CECR2: variants seen among roughly 807,000 people sequenced by gnomAD.
CECR2 encodes chromatin remodeling regulator CECR2.
In CECR2, 30 loss-of-function variants were observed where a neutral mutation model predicts 154.5. The ratio of observed to expected loss-of-function variants is 0.19; its 90% CI spans 0.15 to 0.26. CECR2 has a LOEUF of 0.26. CECR2 is among the 10% of genes least tolerant of loss of function. The pLI is 1.00. For missense variants in CECR2, 1,743 were observed against 1,829.3 expected, an observed-to-expected ratio of 0.95 and a Z score of 0.86; for synonymous variants, 725 against 683.7, an observed-to-expected ratio of 1.06 and a Z score of -0.94.
chr22:17,436,508 G>C (rs1396562317), intron 1 of CECR2, among the ~76,000 whole-genome samples: 3 of 152,224 alleles, frequency 2.0e-5, no homozygotes, highest in Admixed American at 6.5e-5. Flanking sequence ...TAAGCTGCCA[G>C]AGTATCCCTT....
At chr22:17,395,594 C>G (rs1224530153) in intron 1 of CECR2, among the ~76,000 whole-genome samples, 1 of 152,188 alleles carries the variant, frequency 6.6e-6, no homozygotes, top group Non-Finnish European at 1.5e-5. Flanking sequence ...ATATGCCCGC[C>G]TCAGCCCTCC....
chr22:17,539,276 T>C (rs2056484802), intron 13 of CECR2, 157 bp downstream of exon 13: 3 of 768,186 alleles, frequency 3.9e-6, no homozygotes, highest in Admixed American at 5.4e-5. Flanking sequence ...ACTTATACAG[T>C]GTCTGCCAGG....
At chr22:17,552,578 C>T (rs1441504616) in intron 18 of CECR2, among the ~76,000 whole-genome samples, 2 of 152,060 alleles carry the variant, frequency 1.3e-5, no homozygotes, top group Non-Finnish European at 2.9e-5. Flanking sequence ...TTGACCCCCA[C>T]AAAGTAGTTC....
chr22:17,458,727 G>T (rs1161026506), intron 1 of CECR2, among the ~76,000 whole-genome samples: 1 of 152,086 alleles, frequency 6.6e-6, no homozygotes, highest in Non-Finnish European at 1.5e-5. Flanking sequence ...AAGCTACAGG[G>T]TTATTATTAC....
rs959100660 is a variant in CECR2 at position 17,442,858 on chromosome 22, G to T, written c.127-34730G>T. ...CACCGCGCCTGGCCAATCACTAGAT[G>T]ATAGTAGTAATTCACAGGCTTCCCT... On this transcript the variant is annotated intron_variant, in intron 1 of 18. Transcript: ENST00000262608. 5.3e-5 allele frequency among the ~76,000 whole-genome samples: 8 copies of T among 152,130 alleles called. No individual in the cohort carries two copies. The South Asian group carries it at 8.3e-4, about 16-fold the overall frequency.
chr22:17,413,973 G>T (rs576843352), intron 1 of CECR2, among the ~76,000 whole-genome samples: 2 of 135,772 alleles, frequency 1.5e-5, no homozygotes, highest in Non-Finnish European at 3.1e-5. Context: ...CACCGCGCCC[G>T]GCCTATTATT....
rs1264973861 is a variant in CECR2, at chr22:17,549,382, C to T, written c.4095C>T (p.Ser1365=). The T allele has an allele frequency of 6.2e-7, 1 of 1,613,944 alleles. No homozygotes were observed. The highest frequency in any genetic ancestry group is 8.5e-7 in the Non-Finnish European group (1 of 1,179,874). ...ASHFQPRAYS[S]PVAALPPHHP... ...ACTTTCAGCCCAGGGCTTACTCTTC[C>T]CCTGTGGCTGCCCTCCCACCTCACC... is the stretch of plus-strand genomic sequence containing the variant. Residue 1365 remains serine (S), a synonymous_variant, in exon 17 of 19, where the codon TCC becomes TCT. Coordinates refer to ENST00000262608, the MANE Select transcript of CECR2 (RefSeq NM_001290047.2).
upstream of CECR2, chr22:17,369,345 C>CGGGCGGGGGTGGGGCGG (rs1555898115): frequency 4.6e-5 from 7 of 151,398 alleles, no homozygotes; most frequent in South Asian, 2.1e-4. Context: ...TGCAGCTGTC[C>CGGGCGGGGGTGGGGCGG]GGGCGGGGGT....
chr22:17,557,050 C>A lies in CECR2; in HGVS notation c.*4210C>A, dbSNP rs893015482. ...CCCTATTTCTTTTTTGGGTTGGACT[C>A]TGCCGTGCAGCCATAGGACACCAAG... On this transcript the variant is annotated 3_prime_UTR_variant, in exon 19 of 19. Coordinates refer to ENST00000262608, the MANE Select transcript of CECR2 (RefSeq NM_001290047.2). 6.6e-6 allele frequency: 1 copy of A among 152,060 alleles called. No homozygotes were observed. The highest frequency in any genetic ancestry group is 1.5e-5 in the Non-Finnish European group (1 of 68,034). The allele number at this position is 152,060 out of a possible 1,614,324, so 9.4% of individuals were successfully genotyped here.
chr22:17,444,779 T>C (rs12159785), intron 1 of CECR2, among the ~76,000 whole-genome samples: 2,347 of 152,270 alleles, frequency 0.015, 53 homozygotes, highest in African/African-American at 0.053. Context: ...CAGAAGTAAA[T>C]ATTTTTCTTC....
At chr22:17,447,881 T>TTTG (rs1555910672) in intron 1 of CECR2, among the ~76,000 whole-genome samples, 105 of 151,814 alleles carry the variant, frequency 6.9e-4, no homozygotes, top group South Asian at 5.2e-3. Context: ...AGTGTTTTTT[T>TTTG]TTTGTTTGTT....
intron 12 of CECR2, 87 bp from the exon 13 acceptor site, chr22:17,538,906 A>G: frequency 6.7e-7 from 1 of 1,492,292 alleles, no homozygotes. Context: ...GCATTGCTGA[A>G]TTCTCATTAT....
chr22:17,489,741 A>G (rs2055490755), intron 2 of CECR2, among the ~76,000 whole-genome samples: 1 of 152,230 alleles, frequency 6.6e-6, no homozygotes, highest in Non-Finnish European at 1.5e-5. Context: ...TACAGGCGTG[A>G]GCAGCCATTC....
intron 9 of CECR2, among the ~76,000 whole-genome samples, chr22:17,528,781 C>G (rs1301534174): frequency 1.3e-5 from 2 of 152,180 alleles, no homozygotes; most frequent in Non-Finnish European, 2.9e-5. Context: ...AGTGATCCAT[C>G]TGCCTCAGCC....
intron 1 of CECR2, among the ~76,000 whole-genome samples, chr22:17,410,044 G>T (rs13058095): frequency 4.5e-5 from 2 of 44,150 alleles, no homozygotes; most frequent in East Asian, 2.7e-4. Context: ...TGCAGTGGCA[G>T]TATCTCGGCT....
intron 2 of CECR2, among the ~76,000 whole-genome samples, chr22:17,482,261 A>C (rs992701752): frequency 1.1e-4 from 17 of 151,134 alleles, no homozygotes; most frequent in Admixed American, 6.6e-5. Context: ...CGTCTCTACT[A>C]AAAATACAAA....
intron 1 of CECR2, 95 bp downstream of exon 1, chr22:17,370,004 G>C (rs1189979556): frequency 2.1e-4 from 32 of 151,330 alleles, no homozygotes; most frequent in African/African-American, 7.5e-4. Flanking sequence ...AGGGGCCGGG[G>C]CCCGAGGGAC....
At chr22:17,508,239 AGCCTGAAT>A (rs1014767856) in intron 7 of CECR2, among the ~76,000 whole-genome samples, 2 of 150,658 alleles carry the variant, frequency 1.3e-5, no homozygotes, top group African/African-American at 5.0e-5. Flanking sequence ...AATTGAGTGC[AGCCTGAAT>A]GCATTGTGTT....
Position 17,504,766 on chromosome 22 carries a change from A to G in CECR2, c.701-81A>G, listed in dbSNP as rs1169324060. ...GAGTTCCTTATTTTAGTCATGACCC[A>G]CAGTAGAAACAAAATTGAGAATAAA... On this transcript the variant is annotated intron_variant, in intron 6 of 18. Coordinates refer to ENST00000262608, the MANE Select transcript of CECR2 (RefSeq NM_001290047.2). The G allele has an allele frequency of 5.3e-6, 7 of 1,323,960 alleles. No homozygotes were observed. The East Asian group carries it at 1.6e-4, about 31-fold the overall frequency. The allele number at this position is 1,323,960 out of a possible 1,614,324, so 82.0% of individuals were successfully genotyped here.
Sources: gnomAD v4.1 joint callset for allele counts (sites outside exome capture counted in the v4.1 genomes callset) on GRCh38, gnomAD v4.1.1 for gene constraint, MANE v1.5 for transcripts, NCBI Gene and HGNC (gene_info 2026-07-23, HGNC 2026-07-21) for gene names.